Variants in ZNF217 observed in about 807,000 individuals in gnomAD.
ZNF217 encodes the protein zinc finger protein 217.
A neutral mutation model predicts 73.3 loss-of-function variants in ZNF217; 12 were observed. The observed-to-expected ratio is 0.16, with a 90% CI of 0.10 to 0.27. The LOEUF (loss-of-function observed/expected upper bound fraction) is 0.27. Ranked by LOEUF, ZNF217 falls within the 10% of genes least tolerant of loss-of-function variation. The pLI is 1.00. For missense variants in ZNF217, 1,195 were observed against 1,327.8 expected (o/e 0.90, Z 1.55); for synonymous variants, 588 against 516.4 (o/e 1.14, Z -1.88).
chr20:53,569,048 T>C lies in ZNF217; in HGVS notation c.*240A>G, dbSNP rs536636491. On this transcript the variant is annotated 3_prime_UTR_variant, in exon 6 of 6. Coordinates refer to ENST00000371471, the MANE Select transcript of ZNF217 (RefSeq NM_006526.3). ...ACAAAATAGAGATTTCCAGTCCCCA[T>C]GTATGTAAGTTCCAACTGTTCCAAC... 6 of 1,039,276 alleles carry C rather than the reference T, an allele frequency of 5.8e-6. No homozygotes were observed. The highest frequency in any genetic ancestry group is 2.6e-4 in the Middle Eastern group (1 of 3,850). 64.4% of individuals were successfully genotyped at this position (1,039,276 alleles called of 1,614,324 possible).
At position 53,567,710 on chromosome 20, in the gene ZNF217, T is replaced by C. The variant is rs779038463; in HGVS notation, c.*1578A>G. The C allele has an allele frequency of 2.0e-5, 3 of 152,712 alleles. No individual in the cohort carries two copies. In the East Asian group the frequency reaches 5.8e-4, roughly 29 times the overall value. The allele number at this position is 152,712 out of a possible 1,614,324, so 9.5% of individuals were successfully genotyped here. A position where few individuals can be genotyped will look rare whatever the true frequency, so the allele number is the denominator to read the frequency against. ...TGTGAACAGGAAAAAAGGTCAATAGTGTACACTTTCCTGATACAAAGCACT... is the reference window on the plus strand; with the variant it reads ...TGTGAACAGGAAAAAAGGTCAATAGCGTACACTTTCCTGATACAAAGCACT... On this transcript the variant is annotated 3_prime_UTR_variant, in exon 6 of 6. Transcript: ENST00000371471.
chr20:53,577,971 G>A (rs1045063232), intron 3 of ZNF217, among the ~76,000 whole-genome samples: 1 of 152,258 alleles, frequency 6.6e-6, no homozygotes, highest in East Asian at 1.9e-4. Context: ...AATTAGCCGG[G>A]TGTGGTGGCA....
At chr20:53,594,271 A>G, upstream of ZNF217, among the ~76,000 whole-genome samples, 1 of 151,426 alleles carries the variant, frequency 6.6e-6, no homozygotes, top group African/African-American at 2.4e-5. Context: ...GAAAGTGTTC[A>G]GGGAGCAGCT....
At chr20:53,579,262 C>T (rs1988397200) in intron 2 of ZNF217, among the ~76,000 whole-genome samples, 1 of 152,132 alleles carries the variant, frequency 6.6e-6, no homozygotes, top group South Asian at 2.1e-4. Context: ...CGTTAAAATA[C>T]CACCCCCAAA....
At chr20:53,586,899 TGGA>T (rs1285029255) in intron 1 of ZNF217, among the ~76,000 whole-genome samples, 1 of 152,170 alleles carries the variant, frequency 6.6e-6, no homozygotes, top group East Asian at 1.9e-4. Flanking sequence ...GACAAAGAAC[TGGA>T]GGAGAAAAGC....
At chr20:53,579,026 T>C (rs529985130) in intron 2 of ZNF217, among the ~76,000 whole-genome samples, 11 of 152,280 alleles carry the variant, frequency 7.2e-5, no homozygotes, top group Admixed American at 5.9e-4. Flanking sequence ...TCTGTCAAAA[T>C]TTAGCAAAGT....
At position 53,581,908 on chromosome 20, in the gene ZNF217, C is replaced by T. The variant is rs757879651; in HGVS notation, c.919G>A (p.Val307Ile). The change falls in exon 2 of 6, where the codon GTT becomes ATT. Residue 307 changes from valine to isoleucine, a missense_variant. Physicochemically the swap from Val to Ile is conservative, Grantham distance 29 (BLOSUM62 3). Transcript: ENST00000371471. This position sits in a 1 kb window ranked among gnomAD's most constrained non-coding sequence, Gnocchi z 4.9. ...QAWQLATKGK[V>I]AICQEVKESG... ...TCCTTCACTTCTTGGCAAATGGCAA[C>T]TTTTCCTTTGGTAGCCAGCTGCCAA... The T allele has an allele frequency of 6.2e-7, 1 of 1,614,232 alleles. No homozygotes were observed. Among genetic ancestry groups the T allele is most frequent in the Admixed American group, 1.7e-5 (1 of 60,028 alleles).
At chr20:53,583,619 A>T (rs1988590683) in intron 1 of ZNF217, among the ~76,000 whole-genome samples, 1 of 152,280 alleles carries the variant, frequency 6.6e-6, no homozygotes, top group Non-Finnish European at 1.5e-5. Flanking sequence ...ACAATTTAAA[A>T]TTTGTTTCAT....
Position 53,582,207 on chromosome 20 carries a change from G to C in ZNF217, c.620C>G (p.Ala207Gly), listed in dbSNP as rs368882252. Residue 207 changes from alanine (A) to glycine (G), a missense_variant, in exon 2 of 6, where the codon GCG becomes GGG. By Grantham distance (60) the Ala-to-Gly change is moderately conservative (BLOSUM62 0). Transcript: ENST00000371471. The surrounding 1 kb of genome is among the most constrained non-coding windows in gnomAD (Gnocchi z 4.8). ...GTAAGGAGAGGAGATGCTCTCGGCCGCGTGCACCTGGACGACCTCGTTGAT... is the reference window on the plus strand; with the variant it reads ...GTAAGGAGAGGAGATGCTCTCGGCCCCGTGCACCTGGACGACCTCGTTGAT... ...ATINEVVQVH[A>G]AESISSPYKI... The C allele has an allele frequency of 7.4e-6, 12 of 1,613,896 alleles. No individual in the cohort carries two copies. The highest frequency in any genetic ancestry group is 3.3e-5 in the South Asian group (3 of 91,090).
At position 53,571,707 on chromosome 20, in the gene ZNF217, A is replaced by G. The variant is rs1294704933; in HGVS notation, c.*23+14T>C. On this transcript the variant is annotated intron_variant, in intron 5 of 5. Transcript: ENST00000371471. ...TCAGCCAATCCAGTGTTTTTAATTG[A>G]AACATATGCTCACCTTTTTTCCCCC... 1.9e-6 allele frequency: 3 copies of G among 1,605,410 alleles called. No individual in the cohort carries two copies. The highest frequency in any genetic ancestry group is 4.5e-5 in the East Asian group (2 of 44,752).
chr20:53,592,799 G>C (rs1008920401), intron 1 of ZNF217, among the ~76,000 whole-genome samples: 5 of 148,844 alleles, frequency 3.4e-5, no homozygotes, highest in African/African-American at 1.2e-4. Flanking sequence ...AAACTGAGCG[G>C]TTTCACCACT....
intron 1 of ZNF217, among the ~76,000 whole-genome samples, chr20:53,588,768 T>G (rs920506352): frequency 7.2e-5 from 11 of 152,220 alleles, no homozygotes; most frequent in East Asian, 5.8e-4. Context: ...AGATCGTTCT[T>G]CTGCAAGATT....
chr20:53,591,344 C>T (rs1988873299), intron 1 of ZNF217, among the ~76,000 whole-genome samples: 1 of 152,202 alleles, frequency 6.6e-6, no homozygotes, highest in African/African-American at 2.4e-5. Flanking sequence ...ATATCTTGTC[C>T]TCTACTTCCT....
chr20:53,569,844 CAGCT>C (rs942779346), intron 5 of ZNF217, among the ~76,000 whole-genome samples: 22 of 152,228 alleles, frequency 1.4e-4, no homozygotes, highest in African/African-American at 5.3e-4. Context: ...AAGAAAATCC[CAGCT>C]ACTCAGGAGG....
In ZNF217 at chr20:53,577,124, A is replaced by G. The variant is rs757888442; in HGVS notation, c.1640T>C (p.Leu547Ser). The G allele has an allele frequency of 6.2e-7, 1 of 1,614,226 alleles. No individual in the cohort carries two copies. Among genetic ancestry groups the G allele is most frequent in the Non-Finnish European group, 8.5e-7 (1 of 1,180,050 alleles). ...GKNQDTEDAL[L>S]TADSAQTKNL... ...TTTGGTTTGCGCACTGTCAGCGGTT[A>G]ATAGTGCATCTTCAGTGTCCTGATT... The change falls in exon 4 of 6, where the codon TTA becomes TCA. Residue 547 changes from leucine (L) to serine (S), a missense_variant. Transcript: ENST00000371471.
At chr20:53,571,418 T>C (rs1028710016) in intron 5 of ZNF217, among the ~76,000 whole-genome samples, 1 of 105,008 alleles carries the variant, frequency 9.5e-6, no homozygotes, top group African/African-American at 3.9e-5. Flanking sequence ...CCCCCCTTTT[T>C]TTTAGACTGA....
Position 53,571,797 on chromosome 20 carries a change from A to G in ZNF217, c.3094T>C (p.Tyr1032His). 1 of 1,613,432 alleles carries G rather than the reference A, an allele frequency of 6.2e-7. No homozygotes were observed. The highest frequency in any genetic ancestry group is 1.1e-5 in the South Asian group (1 of 90,972). The change falls in exon 5 of 6, where the codon TAT (tyrosine) becomes CAT (histidine). Residue 1032 changes from tyrosine to histidine, a missense_variant. Physicochemically the swap from Tyr to His is moderately conservative, Grantham distance 83. Around this residue, in one of 9 missense-constraint regions of ZNF217, gnomAD observed 649 missense variants for 642.8 expected, o/e 1.01. Coordinates refer to ENST00000371471, the MANE Select transcript of ZNF217 (RefSeq NM_006526.3). ...TGTGCATTCCCAATAAAATTCTCAT[A>G]GTTTCTCTTTTGTGCCATGCTGTTA... Reference protein sequence around the residue: ...LSNSMAQKRNYENFIGNAHYR... With the variant: ...LSNSMAQKRNHENFIGNAHYR...
chr20:53,593,654 G>GA (rs972686563), intron 1 of ZNF217, 102 bp downstream of exon 1: 2 of 151,420 alleles, frequency 1.3e-5, no homozygotes, highest in Admixed American at 6.6e-5. Flanking sequence ...CCTGGGGGGG[G>GA]ACAAGACAAC....
chr20:53,576,148 G>T lies in ZNF217; in HGVS notation c.2616C>A (p.Thr872=). Reference sequence around the variant, plus strand: ...AACCATTGATGTTACTGCTGCCGAGGGTGGGCTGAGAAGGAGCTACTGGAA... The same window carrying T: ...AACCATTGATGTTACTGCTGCCGAGTGTGGGCTGAGAAGGAGCTACTGGAA... ...KPLPVAPSQP[T]LGSSNINGSI... Residue 872 remains threonine, a synonymous_variant, in exon 4 of 6, where the codon ACC becomes ACA. Coordinates refer to ENST00000371471, the MANE Select transcript of ZNF217 (RefSeq NM_006526.3). 1 of 1,614,232 alleles carries T rather than the reference G, an allele frequency of 6.2e-7. No individual in the cohort carries two copies. Among genetic ancestry groups the T allele is most frequent in the Non-Finnish European group, 8.5e-7 (1 of 1,180,046 alleles).
Sources: gnomAD v4.1 joint callset for allele counts (sites outside exome capture counted in the v4.1 genomes callset) on GRCh38, gnomAD v4.1.1 for gene constraint, gnomAD v4.1.1 regional missense constraint, Gnocchi (gnomAD v3.1) non-coding constraint, MANE v1.5 for transcripts, NCBI Gene and HGNC (gene_info 2026-07-23, HGNC 2026-07-21) for gene names.